Variants in CACNA1B observed in about 807,000 individuals in gnomAD.
The protein encoded by CACNA1B is calcium voltage-gated channel subunit alpha1 B.
Under a neutral mutation model 247.2 loss-of-function variants are expected in CACNA1B, and 70 were observed. The observed-to-expected ratio is 0.28, with a 90% CI of 0.23 to 0.35. The LOEUF (loss-of-function observed/expected upper bound fraction) is 0.35, where lower values mean the gene tolerates loss of function less well. Ranked by LOEUF, CACNA1B falls within the 10% of genes least tolerant of loss-of-function variation. CACNA1B has a pLI of 1.00. For synonymous variants in CACNA1B, 1,231 were observed against 1,294.4 expected (o/e 0.95, Z 1.05); for missense variants, 2,367 against 3,197.4 (o/e 0.74, Z 6.26).
At chr9:137,993,316 ATAAAAT>A (rs1564226433) in intron 15 of CACNA1B, among the ~76,000 whole-genome samples, 1 of 152,146 alleles carries the variant, frequency 6.6e-6, no homozygotes, top group Non-Finnish European at 1.5e-5. Context: ...ATCTAGATAG[ATAAAAT>A]TTAAATTTTT....
chr9:137,992,843 C>T lies in CACNA1B; in HGVS notation c.1974+5989C>T, dbSNP rs146499380. 2.8e-3 allele frequency among the ~76,000 whole-genome samples: 425 copies of T among 151,298 alleles called. 6 individuals are homozygous for T. In the East Asian group the frequency reaches 0.042, roughly 15 times the overall value. The stretch of plus-strand genomic sequence containing the variant: ...ATATTATATCAAGTACTCTCTCAGA[C>T]GATAGTGGAATAAAATTGGAAATCA... On this transcript the variant is annotated intron_variant, in intron 15 of 46. Transcript: ENST00000371372.
At chr9:137,946,243 G>A (rs1054929439) in intron 6 of CACNA1B, among the ~76,000 whole-genome samples, 5 of 152,172 alleles carry the variant, frequency 3.3e-5, no homozygotes, top group Non-Finnish European at 7.3e-5. Flanking sequence ...AGGGGGCTAA[G>A]TGGGTTTCTT....
intron 18 of CACNA1B, among the ~76,000 whole-genome samples, chr9:138,015,707 C>T (rs147659166): frequency 5.9e-5 from 9 of 152,360 alleles, no homozygotes; most frequent in East Asian, 1.9e-4. Context: ...TTGACACAGA[C>T]GGTGCCAGAA....
rs1195534829 is a variant in CACNA1B at position 137,971,322 on chromosome 9, C to T, written c.1334-61C>T. 1 of 1,259,418 alleles carries T rather than the reference C, an allele frequency of 7.9e-7. No individual in the cohort carries two copies. 78.0% of individuals were successfully genotyped at this position (1,259,418 alleles called of 1,614,324 possible). A position where few individuals can be genotyped will look rare whatever the true frequency, so the allele number is the denominator to read the frequency against. On this transcript the variant is annotated intron_variant, in intron 10 of 46. Transcript: ENST00000371372. This position sits in a 1 kb window ranked among gnomAD's most constrained non-coding sequence, Gnocchi z 4.4. ...TCCAGAGTGCGTCTGTGGGGGTCCA[C>T]AGGTGGGGTAGGCGGGTGCCCATTG...
At chr9:137,963,632 A>AATG (rs1190569168) in intron 10 of CACNA1B, among the ~76,000 whole-genome samples, 1 of 152,098 alleles carries the variant, frequency 6.6e-6, no homozygotes, top group Non-Finnish European at 1.5e-5. Context: ...CCAGACCTCA[A>AATG]ATGATCTGCC....
chr9:138,029,468 A>G (rs1297233210), intron 20 of CACNA1B, among the ~76,000 whole-genome samples: 2 of 152,148 alleles, frequency 1.3e-5, no homozygotes, highest in African/African-American at 2.4e-5. Flanking sequence ...TATTTTCCTT[A>G]GAAATTATCC....
Position 138,052,231 on chromosome 9 carries a change from TGTGC to T in CACNA1B, c.3807+47_3807+50del, listed in dbSNP as rs1959311056. ...GGGCTTGAGGGATGTGCTGTGTGTG[TGTGC>T]GTGTGTGTGTGTGCGTGTGTGTGTG... On this transcript the variant is annotated intron_variant, in intron 25 of 46. Coordinates refer to ENST00000371372, the MANE Select transcript of CACNA1B (RefSeq NM_000718.4). This position sits in a 1 kb window ranked among gnomAD's most constrained non-coding sequence, Gnocchi z 5.1. The T allele has an allele frequency of 9.7e-7, 1 of 1,035,330 alleles. No homozygotes were observed. Among genetic ancestry groups the T allele is most frequent in the Non-Finnish European group, 1.5e-6 (1 of 676,904 alleles). The allele number at this position is 1,035,330 out of a possible 1,614,324, so 64.1% of individuals were successfully genotyped here. A position where few individuals can be genotyped will look rare whatever the true frequency, so the allele number is the denominator to read the frequency against.
chr9:138,032,642 T>C (rs754600696), intron 20 of CACNA1B: 13 of 452,932 alleles, frequency 2.9e-5, no homozygotes, highest in South Asian at 2.0e-4. Flanking sequence ...GTATTTTCAG[T>C]GGGTATAGAA....
intron 15 of CACNA1B, among the ~76,000 whole-genome samples, chr9:137,993,596 A>G (rs1241393553): frequency 6.6e-6 from 1 of 152,214 alleles, no homozygotes; most frequent in Non-Finnish European, 1.5e-5. Flanking sequence ...TAGAAAACCT[A>G]GAGGAGATGG....
At chr9:137,921,829 CACA>C in intron 6 of CACNA1B, among the ~76,000 whole-genome samples, 3 of 146,724 alleles carry the variant, frequency 2.0e-5, no homozygotes, top group African/African-American at 7.6e-5. Context: ...ACCACGACCG[CACA>C]GCATCCTGGG....
At position 137,897,616 on chromosome 9, in the gene CACNA1B, G is replaced by A. The variant is rs527297671; in HGVS notation, c.530+14733G>A. 4.6e-5 allele frequency among the ~76,000 whole-genome samples: 7 copies of A among 152,198 alleles called. No homozygotes were observed. The South Asian group carries it at 1.5e-3, about 32-fold the overall frequency. On this transcript the variant is annotated intron_variant, in intron 3 of 46. Coordinates refer to ENST00000371372, the MANE Select transcript of CACNA1B (RefSeq NM_000718.4). ...GGAAAAACAAAAAGTTTGCTTCTTA[G>A]CACTACTTTAACTGTATACTACACA...
rs543643444 is a variant in CACNA1B, at chr9:137,919,528, T to C, written c.966+2097T>C. Among the ~76,000 whole-genome samples, 7 of 152,348 alleles carry C rather than the reference T, an allele frequency of 4.6e-5. No homozygotes were observed. The highest frequency in any genetic ancestry group is 1.4e-4 in the African/African-American group (6 of 41,592). On this transcript the variant is annotated intron_variant, in intron 6 of 46. Coordinates refer to ENST00000371372, the MANE Select transcript of CACNA1B (RefSeq NM_000718.4). The surrounding 1 kb of genome is among the most constrained non-coding windows in gnomAD (Gnocchi z 4.6). The stretch of plus-strand genomic sequence containing the variant: ...AGTCCGCTCCTCCACACTAAGGGCA[T>C]ACAGGGTCGGTCACTGGAGATTAGA...
rs200721739 is a variant in CACNA1B at position 138,120,223 on chromosome 9, G to A, written c.6089G>A (p.Arg2030His). ...RSISTLAQRP[R>H]GTHLCSTTPD... ...ATCTCCACGCTGGCCCAGCGGCCCCGTGGGACTCATCTTTGCAGCACCACC... is the reference window on the plus strand; with the variant it reads ...ATCTCCACGCTGGCCCAGCGGCCCCATGGGACTCATCTTTGCAGCACCACC... Residue 2030 changes from arginine (R) to histidine (H), a missense_variant, in exon 45 of 47, where the codon CGT becomes CAT. This residue lies in a region of CACNA1B where 773 missense variants were observed against 779.4 expected (regional missense o/e 0.99). Transcript: ENST00000371372. 50 of 1,608,552 alleles carry A rather than the reference G, an allele frequency of 3.1e-5. No homozygotes were observed. Among genetic ancestry groups the A allele is most frequent in the Admixed American group, 3.0e-4 (18 of 59,674 alleles).
intron 10 of CACNA1B, among the ~76,000 whole-genome samples, chr9:137,970,541 A>G (rs548127824): frequency 4.6e-5 from 7 of 152,330 alleles, no homozygotes; most frequent in Non-Finnish European, 5.9e-5. Context: ...CAGGTCAACA[A>G]TAAAACACAG....
rs1253019031 is a variant in CACNA1B at position 137,986,978 on chromosome 9, C to T, written c.1974+124C>T. 2.5e-6 allele frequency: 2 copies of T among 801,592 alleles called. No individual in the cohort carries two copies. Among genetic ancestry groups the T allele is most frequent in the Admixed American group, 1.7e-5 (1 of 57,290 alleles). 49.7% of individuals were successfully genotyped at this position (801,592 alleles called of 1,614,324 possible). ...CACACGGCCCAGATCACTGACTTTT[C>T]AGACACAGTGTTCCTCAAACGAGGG... is the stretch of plus-strand genomic sequence containing the variant. On this transcript the variant is annotated intron_variant, in intron 15 of 46. Transcript: ENST00000371372. The surrounding 1 kb of genome is among the most constrained non-coding windows in gnomAD (Gnocchi z 6.0).
intron 6 of CACNA1B, among the ~76,000 whole-genome samples, chr9:137,918,158 A>C (rs1957433927): frequency 6.6e-6 from 1 of 152,006 alleles, no homozygotes. Context: ...CTGTCTCTGC[A>C]GTTTACGGCA....
chr9:137,922,431 G>C (rs572688179), intron 6 of CACNA1B, among the ~76,000 whole-genome samples: 1 of 152,364 alleles, frequency 6.6e-6, no homozygotes, highest in South Asian at 2.1e-4. Flanking sequence ...AGCGTTCGGA[G>C]AACATGATCA....
chr9:138,057,300 T>C lies in CACNA1B; in HGVS notation c.3969-432T>C, dbSNP rs1163675775. On this transcript the variant is annotated intron_variant, in intron 26 of 46. Coordinates refer to ENST00000371372, the MANE Select transcript of CACNA1B (RefSeq NM_000718.4). The surrounding 1 kb of genome is among the most constrained non-coding windows in gnomAD (Gnocchi z 4.0). ...TACAACTCCCTTATCAGACAGAGGA[T>C]TAGGAAATAAGTATTTTTCCCATTC... Among the ~76,000 whole-genome samples the C allele has an allele frequency of 6.6e-6, 1 of 152,218 alleles. No individual in the cohort carries two copies. The highest frequency in any genetic ancestry group is 6.5e-5 in the Admixed American group (1 of 15,284).
rs963585368 is a variant in CACNA1B at position 138,050,490 on chromosome 9, T to C, written c.3710+1175T>C. On this transcript the variant is annotated intron_variant, in intron 24 of 46. Coordinates refer to ENST00000371372, the MANE Select transcript of CACNA1B (RefSeq NM_000718.4). The surrounding 1 kb of genome is among the most constrained non-coding windows in gnomAD (Gnocchi z 5.2). ...GAGCGGCATTCTTTCCTCTGTTTCCTCTCCACTCCAGCCCCCTGCAGTTCC... is the reference window on the plus strand; with the variant it reads ...GAGCGGCATTCTTTCCTCTGTTTCCCCTCCACTCCAGCCCCCTGCAGTTCC... 4.6e-5 allele frequency among the ~76,000 whole-genome samples: 7 copies of C among 152,158 alleles called. No individual in the cohort carries two copies. Among genetic ancestry groups the C allele is most frequent in the Non-Finnish European group, 8.8e-5 (6 of 68,012 alleles).
Sources: gnomAD v4.1 joint callset for allele counts (sites outside exome capture counted in the v4.1 genomes callset) on GRCh38, gnomAD v4.1.1 for gene constraint, gnomAD v4.1.1 regional missense constraint, Gnocchi (gnomAD v3.1) non-coding constraint, MANE v1.5 for transcripts, NCBI Gene and HGNC (gene_info 2026-07-23, HGNC 2026-07-21) for gene names.